Variants in BCAR3 observed in about 807,000 individuals in gnomAD.
BCAR3 encodes breast cancer anti-estrogen resistance protein 3.
A neutral mutation model predicts 80.1 loss-of-function variants in BCAR3; 37 were observed. The observed-to-expected ratio is 0.46, with a 90% CI of 0.36 to 0.61. BCAR3 has a LOEUF of 0.61. Ranked by LOEUF, BCAR3 falls within the 20% of genes least tolerant of loss-of-function variation. The pLI, the probability that BCAR3 is intolerant of heterozygous loss-of-function variation, is 0.00. For synonymous variants in BCAR3, 389 were observed against 418.9 expected (o/e 0.93, Z 0.87); for missense variants, 978 against 1,068.2 (o/e 0.92, Z 1.18).
chr1:93,611,751 A>C (rs1674956814), intron 3 of BCAR3, among the ~76,000 whole-genome samples: 1 of 152,176 alleles, frequency 6.6e-6, no homozygotes, highest in Non-Finnish European at 1.5e-5. Context: ...CTGTATAATC[A>C]TTCTCCTATG....
At chr1:93,802,322 A>T (rs1353076778) in intron 2 of BCAR3, among the ~76,000 whole-genome samples, 1 of 152,092 alleles carries the variant, frequency 6.6e-6, no homozygotes, top group Non-Finnish European at 1.5e-5. Context: ...AAAGAAAAAA[A>T]AAAAAGAAAA....
intron 2 of BCAR3, among the ~76,000 whole-genome samples, chr1:93,666,490 T>C (rs1335556427): frequency 3.3e-5 from 5 of 152,238 alleles, no homozygotes; most frequent in Non-Finnish European, 7.3e-5. Context: ...CTCCTCATTT[T>C]GTAGTTACGT....
intron 3 of BCAR3, among the ~76,000 whole-genome samples, chr1:93,690,222 C>T (rs1649142115): frequency 6.6e-6 from 1 of 152,160 alleles, no homozygotes; most frequent in South Asian, 2.1e-4. Flanking sequence ...GAAGAATTTC[C>T]TCCCATCAAA....
intron 2 of BCAR3, among the ~76,000 whole-genome samples, chr1:93,749,523 G>A (rs12133741): frequency 0.12 from 17,613 of 150,818 alleles, 1,445 homozygotes; most frequent in African/African-American, 0.22. Flanking sequence ...CAGGAGGTGG[G>A]GCTTGCAGTG....
Position 93,571,792 on chromosome 1 carries a change from C to T in BCAR3, c.1852G>A (p.Gly618Ser), listed in dbSNP as rs529105962. ...GIAVDILGCT[G>S]TLEDRAATLS... ...GTGGCCGCTCGGTCCTCCAAAGTGC[C>T]CGTGCATCCCAGAATGTCCACTGCA... is the stretch of plus-strand genomic sequence containing the variant. Residue 618 changes from glycine (G) to serine (S), a missense_variant, in exon 9 of 12, where the codon GGC (glycine) becomes AGC (serine). Physicochemically the swap from Gly to Ser is moderately conservative, Grantham distance 56. Transcript: ENST00000260502. 1.2e-6 allele frequency: 2 copies of T among 1,614,164 alleles called. No homozygotes were observed. The highest frequency in any genetic ancestry group is 1.7e-5 in the Admixed American group (1 of 60,024).
intron 2 of BCAR3, among the ~76,000 whole-genome samples, chr1:93,786,824 G>C (rs1301059722): frequency 6.6e-6 from 1 of 152,236 alleles, no homozygotes; most frequent in Admixed American, 6.5e-5. Context: ...TGAGGAAGGA[G>C]TGGTAACCCT....
intron 3 of BCAR3, among the ~76,000 whole-genome samples, chr1:93,637,282 G>T (rs1016306761): frequency 6.6e-6 from 1 of 151,844 alleles, no homozygotes; most frequent in African/African-American, 2.4e-5. Context: ...CGATTCTCCT[G>T]CTCCAGCCTC....
intron 3 of BCAR3, among the ~76,000 whole-genome samples, chr1:93,703,020 G>T (rs6666022): frequency 0.68 from 102,976 of 152,052 alleles, 39,322 homozygotes; most frequent in East Asian, 0.98. Context: ...GCTGGCCACC[G>T]CGGCCTGTGC....
intron 3 of BCAR3, among the ~76,000 whole-genome samples, chr1:93,596,926 T>C (rs1460527298): frequency 6.6e-6 from 1 of 152,192 alleles, no homozygotes; most frequent in Non-Finnish European, 1.5e-5. Flanking sequence ...GAAGGGATGC[T>C]GCTGGGCTTT....
At chr1:93,846,739 G>A (rs1242438390) in intron 1 of BCAR3, 2 of 388,936 alleles carry the variant, frequency 5.1e-6, no homozygotes, top group Non-Finnish European at 5.1e-6. Context: ...CGCAGTCGCG[G>A]GCCCCGGGCG....
chr1:93,682,588 C>T (rs1648833082), upstream of BCAR3, among the ~76,000 whole-genome samples: 1 of 152,184 alleles, frequency 6.6e-6, no homozygotes, highest in Non-Finnish European at 1.5e-5. Context: ...GAGTTTCGGT[C>T]TTGTTGCCCA....
chr1:93,813,075 C>G (rs951983681), intron 2 of BCAR3, among the ~76,000 whole-genome samples: 16 of 152,144 alleles, frequency 1.1e-4, no homozygotes, highest in Non-Finnish European at 1.9e-4. Flanking sequence ...ATCCCTCCCC[C>G]AGATGACCCT....
At chr1:93,841,165 C>T (rs906748964) in intron 2 of BCAR3, among the ~76,000 whole-genome samples, 1 of 152,208 alleles carries the variant, frequency 6.6e-6, no homozygotes, top group African/African-American at 2.4e-5. Flanking sequence ...GGCTCCTTAG[C>T]CTTGCATTTG....
At chr1:93,651,705 G>A (rs570687831) in intron 2 of BCAR3, among the ~76,000 whole-genome samples, 126 of 152,248 alleles carry the variant, frequency 8.3e-4, no homozygotes, top group African/African-American at 3.0e-3. Flanking sequence ...TCGATTAGAT[G>A]TACAGTTGAC....
intron 2 of BCAR3, among the ~76,000 whole-genome samples, chr1:93,835,290 C>G (rs1440290866): frequency 6.6e-6 from 1 of 152,188 alleles, no homozygotes; most frequent in Non-Finnish European, 1.5e-5. Flanking sequence ...CCAAAGGAAG[C>G]TGGAGTCATT....
chr1:93,801,433 T>TA (rs1202767512), intron 2 of BCAR3, among the ~76,000 whole-genome samples: 1 of 152,232 alleles, frequency 6.6e-6, no homozygotes, highest in Non-Finnish European at 1.5e-5. Flanking sequence ...AGGTTAAAAT[T>TA]AAAATAGAAT....
chr1:93,712,405 C>T (rs774298470), intron 2 of BCAR3, among the ~76,000 whole-genome samples: 4 of 152,190 alleles, frequency 2.6e-5, no homozygotes, highest in Non-Finnish European at 2.9e-5. Flanking sequence ...GATTGTGCCC[C>T]GCCTGGCACA....
intron 2 of BCAR3, among the ~76,000 whole-genome samples, chr1:93,664,749 G>A (rs554849685): frequency 8.5e-5 from 13 of 152,306 alleles, no homozygotes; most frequent in African/African-American, 2.9e-4. Flanking sequence ...AATAGGGTAA[G>A]AACAAGAAAA....
intron 3 of BCAR3, among the ~76,000 whole-genome samples, chr1:93,633,077 T>C (rs1456347117): frequency 6.6e-6 from 1 of 152,090 alleles, no homozygotes. Flanking sequence ...CATATAAAAA[T>C]AGGTGGTGGG....
Sources: gnomAD v4.1 joint callset for allele counts (sites outside exome capture counted in the v4.1 genomes callset) on GRCh38, gnomAD v4.1.1 for gene constraint, MANE v1.5 for transcripts, NCBI Gene and HGNC (gene_info 2026-07-23, HGNC 2026-07-21) for gene names.